Variants in PRDM16 observed in about 807,000 individuals in gnomAD.
The protein encoded by PRDM16 is PR/SET domain 16.
A neutral mutation model predicts 110.6 loss-of-function variants in PRDM16; 23 were observed. That is an observed-to-expected ratio of 0.21 (90% CI 0.15 to 0.29). The LOEUF (loss-of-function observed/expected upper bound fraction) is 0.29. PRDM16 is among the 10% of genes least tolerant of loss of function. The pLI is 1.00. For synonymous variants in PRDM16, 799 were observed against 781.8 expected, an observed-to-expected ratio of 1.02 and a Z score of -0.37; for missense variants, 1,615 against 1,794.3, an observed-to-expected ratio of 0.90 and a Z score of 1.81.
chr1:3,118,092 T>C (rs530116426), intron 1 of PRDM16, among the ~76,000 whole-genome samples: 4 of 151,648 alleles, frequency 2.6e-5, no homozygotes, highest in Middle Eastern at 3.4e-3. Flanking sequence ...CATGTGTATG[T>C]GTGTACATGC....
At position 3,157,355 on chromosome 1, in the gene PRDM16, T is replaced by C. The variant is rs1414858464; in HGVS notation, c.38-28770T>C. ...GTGTTTACCGCATTTATTCTATTGA[T>C]TGACTGAATTTACAGCATTTGATCT... On this transcript the variant is annotated intron_variant, in intron 1 of 16. Coordinates refer to ENST00000270722, the MANE Select transcript of PRDM16 (RefSeq NM_022114.4). The surrounding 1 kb of genome is among the most constrained non-coding windows in gnomAD (Gnocchi z 4.8). Among the ~76,000 whole-genome samples, 10 of 151,374 alleles carry C rather than the reference T, an allele frequency of 6.6e-5. No individual in the cohort carries two copies. Among genetic ancestry groups the C allele is most frequent in the African/African-American group, 2.4e-4 (10 of 41,070 alleles).
chr1:3,211,210 CAGG>C (rs1638875203), intron 2 of PRDM16, among the ~76,000 whole-genome samples: 1 of 152,232 alleles, frequency 6.6e-6, no homozygotes, highest in Non-Finnish European at 1.5e-5. Context: ...CCATTGTACA[CAGG>C]TCTGTTGAGA....
intron 3 of PRDM16, among the ~76,000 whole-genome samples, chr1:3,248,831 T>G (rs1361538493): frequency 1.3e-5 from 2 of 152,220 alleles, no homozygotes; most frequent in Non-Finnish European, 2.9e-5. Flanking sequence ...TGTGGGCGTT[T>G]TCTATAGCCC....
rs1299739899 is a variant in PRDM16 at position 3,152,385 on chromosome 1, T to TATCC, written c.38-33725_38-33722dup. The stretch of plus-strand genomic sequence containing the variant: ...CCATCCATCCATCCATCCATCCATT[T>TATCC]ATCCATCCATCCATCCATTTATCCA... On this transcript the variant is annotated intron_variant, in intron 1 of 16. Transcript: ENST00000270722. Among the ~76,000 whole-genome samples, 50 of 118,572 alleles carry TATCC rather than the reference T, an allele frequency of 4.2e-4. 1 individual carries two copies. In the East Asian group the frequency reaches 0.018, roughly 44 times the overall value. 77.8% of individuals were successfully genotyped at this position (118,572 alleles called of 152,430 possible).
At chr1:3,144,238 C>T (rs1643604051) in intron 1 of PRDM16, among the ~76,000 whole-genome samples, 1 of 152,146 alleles carries the variant, frequency 6.6e-6, no homozygotes, top group Non-Finnish European at 1.5e-5. Context: ...GGGCCCGGCC[C>T]CACAGGGACC....
At chr1:3,278,165 C>T (rs1640633309) in intron 3 of PRDM16, among the ~76,000 whole-genome samples, 1 of 152,234 alleles carries the variant, frequency 6.6e-6, no homozygotes, top group Non-Finnish European at 1.5e-5. Flanking sequence ...ATAGCCTGGC[C>T]TTACCGTCCT....
At chr1:3,293,169 C>T (rs1376715660) in intron 3 of PRDM16, among the ~76,000 whole-genome samples, 1 of 152,224 alleles carries the variant, frequency 6.6e-6, no homozygotes, top group Non-Finnish European at 1.5e-5. Context: ...TGAAAAACTG[C>T]ACATTTGGGC....
chr1:3,118,577 C>T (rs1165641158), intron 1 of PRDM16, among the ~76,000 whole-genome samples: 1 of 152,220 alleles, frequency 6.6e-6, no homozygotes, highest in African/African-American at 2.4e-5. Flanking sequence ...AAAACACCAC[C>T]AGGAGAGGGG....
At chr1:3,263,126 C>G (rs1415704044) in intron 3 of PRDM16, among the ~76,000 whole-genome samples, 1 of 152,146 alleles carries the variant, frequency 6.6e-6, no homozygotes, top group Non-Finnish European at 1.5e-5. Flanking sequence ...TGCCTGGCGG[C>G]CCCTCCCACC....
In PRDM16 at chr1:3,436,698, G is replaced by C. The variant is rs927257826; in HGVS notation, c.*2887G>C. ...TGACAAGGGCCAGGGAGCCTGGCCC[G>C]GGTGTGAGAATTCAGAGATTCTGGC... On this transcript the variant is annotated 3_prime_UTR_variant, in exon 17 of 17. Transcript: ENST00000270722. The C allele has an allele frequency of 4.3e-6, 1 of 231,398 alleles. No individual in the cohort carries two copies. Among genetic ancestry groups the C allele is most frequent in the Non-Finnish European group, 8.5e-6 (1 of 117,012 alleles). The allele number at this position is 231,398 out of a possible 1,614,324, so 14.3% of individuals were successfully genotyped here. A position where few individuals can be genotyped will look rare whatever the true frequency, so the allele number is the denominator to read the frequency against.
rs375136181 is a variant in PRDM16, at chr1:3,396,625, C to G, written c.676+32C>G. The G allele has an allele frequency of 9.3e-5, 90 of 964,942 alleles. 1 individual carries two copies. In the African/African-American group the frequency reaches 1.3e-3, roughly 14 times the overall value. 59.8% of individuals were successfully genotyped at this position (964,942 alleles called of 1,614,324 possible). On this transcript the variant is annotated intron_variant, in intron 5 of 16. Coordinates refer to ENST00000270722, the MANE Select transcript of PRDM16 (RefSeq NM_022114.4). Reference sequence around the variant, plus strand: ...CCCCTCCCCCAAACCGGGCCACGGCCCCTGGGAGCCCCCAGCCAGCCCGGA... The same window carrying G: ...CCCCTCCCCCAAACCGGGCCACGGCGCCTGGGAGCCCCCAGCCAGCCCGGA...
intron 1 of PRDM16, chr1:3,133,013 T>C (rs1316271434): frequency 6.6e-6 from 1 of 152,282 alleles, no homozygotes; most frequent in Non-Finnish European, 1.5e-5. Flanking sequence ...GCACCACGTT[T>C]TGAAGAAGTT....
chr1:3,287,847 G>A (rs982247740), intron 3 of PRDM16, among the ~76,000 whole-genome samples: 5 of 149,970 alleles, frequency 3.3e-5, no homozygotes, highest in South Asian at 4.2e-4. Flanking sequence ...CAGCCGCCCC[G>A]CCACGCGGGC....
intron 3 of PRDM16, among the ~76,000 whole-genome samples, chr1:3,332,408 G>A (rs1194416669): frequency 1.3e-5 from 2 of 151,336 alleles, no homozygotes; most frequent in African/African-American, 4.9e-5. Context: ...GGGGCTCGGG[G>A]CTGGGGGAGG....
At chr1:3,202,270 G>C (rs1406083001) in intron 2 of PRDM16, among the ~76,000 whole-genome samples, 3 of 151,942 alleles carry the variant, frequency 2.0e-5, no homozygotes, top group Non-Finnish European at 4.4e-5. Flanking sequence ...CAGGACGTCA[G>C]ATGTCAGCTG....
At chr1:3,160,592 C>T (rs183760029) in intron 1 of PRDM16, among the ~76,000 whole-genome samples, 92 of 152,304 alleles carry the variant, frequency 6.0e-4, no homozygotes, top group African/African-American at 2.0e-3. Context: ...TCACTGCCCA[C>T]GAGGTGCAGG....
intron 1 of PRDM16, among the ~76,000 whole-genome samples, chr1:3,104,246 C>T (rs913408944): frequency 4.6e-5 from 7 of 152,164 alleles, no homozygotes; most frequent in Admixed American, 6.5e-5. Flanking sequence ...ACCCAGGAGG[C>T]GGCCTCCCAG....
chr1:3,316,852 C>T (rs1372043395), intron 3 of PRDM16, among the ~76,000 whole-genome samples: 21 of 152,200 alleles, frequency 1.4e-4, no homozygotes, highest in Admixed American at 1.4e-3. Flanking sequence ...AGGCAGGAAA[C>T]AGTGACACAG....
intron 1 of PRDM16, among the ~76,000 whole-genome samples, chr1:3,172,841 G>A (rs1385412164): frequency 6.6e-6 from 1 of 152,214 alleles, no homozygotes; most frequent in East Asian, 1.9e-4. Flanking sequence ...GGAGATGCAG[G>A]AGTTCTGGAG....
Sources: gnomAD v4.1 joint callset for allele counts (sites outside exome capture counted in the v4.1 genomes callset) on GRCh38, gnomAD v4.1.1 for gene constraint, Gnocchi (gnomAD v3.1) non-coding constraint, MANE v1.5 for transcripts, NCBI Gene and HGNC (gene_info 2026-07-23, HGNC 2026-07-21) for gene names.